PDXDC1: variants seen among roughly 807,000 people sequenced by gnomAD.
PDXDC1 encodes the protein pyridoxal dependent decarboxylase domain containing 1.
In PDXDC1, 42 loss-of-function variants were observed where a neutral mutation model predicts 100.1. The ratio of observed to expected loss-of-function variants is 0.42; its 90% CI spans 0.33 to 0.54. PDXDC1 has a LOEUF of 0.54. Ranked by LOEUF, PDXDC1 falls within the 20% of genes least tolerant of loss-of-function variation. The pLI is 0.10. For missense variants in PDXDC1, 636 were observed against 979.2 expected, an observed-to-expected ratio of 0.65 and a Z score of 4.68; for synonymous variants, 260 against 371.7, an observed-to-expected ratio of 0.70 and a Z score of 3.46.
At chr16:15,083,913 T>C (rs1416173282) in intron 16 of PDXDC1, among the ~76,000 whole-genome samples, 2 of 152,098 alleles carry the variant, frequency 1.3e-5, no homozygotes, top group African/African-American at 4.8e-5. Context: ...ACGGGGTTTC[T>C]CCATGTTGGT....
chr16:15,006,617 T>C lies in PDXDC1; in HGVS notation c.579+34T>C, dbSNP rs1455311667. On this transcript the variant is annotated intron_variant, in intron 6 of 22. Transcript: ENST00000396410. ...GTATCAGGTGGCTATTTTAAAGAAA[T>C]AATGTCTTATTTTGTTCTGAAAGTT... The C allele has an allele frequency of 7.3e-6, 11 of 1,500,112 alleles. No individual in the cohort carries two copies. The East Asian group carries it at 9.4e-5, about 13-fold the overall frequency. The allele number at this position is 1,500,112 out of a possible 1,614,324, so 92.9% of individuals were successfully genotyped here.
chr16:15,122,688 G>T (rs1567284958), intron 16 of PDXDC1, among the ~76,000 whole-genome samples: 1 of 150,556 alleles, frequency 6.6e-6, no homozygotes, highest in South Asian at 2.1e-4. Flanking sequence ...CAAAAGAGAA[G>T]CCAAAAGAGC....
chr16:14,988,874 C>A (rs539037106), intron 1 of PDXDC1: 2 of 1,613,962 alleles, frequency 1.2e-6, no homozygotes, highest in African/African-American at 1.3e-5. Flanking sequence ...GGGTCAGCCT[C>A]CACAGGTCAG....
chr16:15,104,834 C>T (rs1393114169), intron 16 of PDXDC1: 41 of 1,512,198 alleles, frequency 2.7e-5, no homozygotes, highest in Non-Finnish European at 3.4e-5. Flanking sequence ...ACACAGTCTG[C>T]ACCTTCTGTT....
Position 15,135,943 on chromosome 16 carries a change from G to A in PDXDC1, c.1400-2936G>A, listed in dbSNP as rs922345537. ...GCTGAGGCCGGCTCACGTCCACGCC[G>A]GGCAGGGCCACACGCGCCGGGCACC... is the stretch of plus-strand genomic sequence containing the variant. On this transcript the variant is annotated intron_variant, in intron 16 of 16. Coordinates refer to the PDXDC1 transcript ENST00000535621. 91 of 1,576,882 alleles carry A rather than the reference G, an allele frequency of 5.8e-5. No homozygotes were observed. In the Admixed American group the frequency reaches 7.9e-4, roughly 14 times the overall value.
intron 16 of PDXDC1, among the ~76,000 whole-genome samples, chr16:15,090,486 C>A (rs2046087650): frequency 6.6e-6 from 1 of 152,144 alleles, no homozygotes; most frequent in Non-Finnish European, 1.5e-5. Flanking sequence ...ATAGTCCCAG[C>A]TTTTTAGAAG....
chr16:15,097,754 C>G (rs2046407842), intron 16 of PDXDC1, among the ~76,000 whole-genome samples: 1 of 152,064 alleles, frequency 6.6e-6, no homozygotes, highest in Non-Finnish European at 1.5e-5. Flanking sequence ...CGGATCCCAC[C>G]TTCTACCTGC....
intron 16 of PDXDC1, among the ~76,000 whole-genome samples, chr16:15,095,035 A>T (rs968509954): frequency 4.6e-5 from 7 of 152,028 alleles, no homozygotes; most frequent in African/African-American, 1.7e-4. Context: ...ACGGGGTTGC[A>T]CTGTGTTGGC....
intron 16 of PDXDC1, among the ~76,000 whole-genome samples, chr16:15,097,652 A>T (rs1367544392): frequency 6.6e-6 from 1 of 151,518 alleles, no homozygotes; most frequent in Non-Finnish European, 1.5e-5. Context: ...CAAAAAAAAA[A>T]AAAAGAACAT....
At chr16:15,119,716 A>AT (rs1567280503) in intron 16 of PDXDC1, among the ~76,000 whole-genome samples, 1 of 125,428 alleles carries the variant, frequency 8.0e-6, no homozygotes, top group South Asian at 2.8e-4. Context: ...GTGCCCAGCC[A>AT]TTTTTTTTCT....
intron 1 of PDXDC1, chr16:14,989,665 C>T: frequency 1.3e-6 from 2 of 1,561,784 alleles, no homozygotes; most frequent in Non-Finnish European, 8.6e-7. Flanking sequence ...GGGCCGGCGG[C>T]CACGGGGCCA....
the PDXDC1 span, among the ~76,000 whole-genome samples, chr16:15,146,848 G>A: frequency 6.6e-6 from 1 of 152,000 alleles, no homozygotes; most frequent in East Asian, 1.9e-4. Context: ...CAGTGGCTGA[G>A]CCAGGTCACT....
intron 16 of PDXDC1, among the ~76,000 whole-genome samples, chr16:15,070,429 T>C (rs1275441260): frequency 6.6e-5 from 10 of 151,648 alleles, no homozygotes; most frequent in African/African-American, 2.2e-4. Context: ...GATGGGTGCG[T>C]AGGAAGACAA....
chr16:15,003,383 A>AT (rs1453969202), intron 4 of PDXDC1, among the ~76,000 whole-genome samples: 1 of 152,162 alleles, frequency 6.6e-6, no homozygotes, highest in Non-Finnish European at 1.5e-5. Flanking sequence ...GGCCCGGCTA[A>AT]TTTTTTGTAT....
downstream of PDXDC1, chr16:15,038,757 A>C: frequency 1.2e-6 from 1 of 808,070 alleles, no homozygotes; most frequent in South Asian, 1.5e-5. Context: ...CCAGTAACGC[A>C]AGCTCCAGTG....
chr16:15,043,919 ACTT>A (rs1181959312), intron 16 of PDXDC1, among the ~76,000 whole-genome samples: 1 of 152,102 alleles, frequency 6.6e-6, no homozygotes, highest in Non-Finnish European at 1.5e-5. Flanking sequence ...CTGCACTCCA[ACTT>A]GGGCAACAGA....
At chr16:15,137,013 C>A in intron 16 of PDXDC1, 1 of 1,128,328 alleles carries the variant, frequency 8.9e-7, no homozygotes, top group Non-Finnish European at 1.3e-6. Flanking sequence ...GGTGCCGCTT[C>A]CACCTGCACG....
intron 7 of PDXDC1, chr16:15,009,323 A>T (rs951612370): frequency 2.8e-6 from 1 of 352,456 alleles, no homozygotes; most frequent in Non-Finnish European, 4.8e-6. Flanking sequence ...TTCTTTTGTC[A>T]AGGTAGTTTT....
chr16:15,063,786 T>C (rs374860743), intron 16 of PDXDC1, among the ~76,000 whole-genome samples: 1 of 151,946 alleles, frequency 6.6e-6, no homozygotes, highest in East Asian at 1.9e-4. Flanking sequence ...GCTCTTTCTG[T>C]ATAAGAGTTC....
Sources: allele counts gnomAD v4.1 joint callset (sites outside exome capture counted in the v4.1 genomes callset), GRCh38; gene constraint gnomAD v4.1.1; transcripts MANE v1.5; gene names NCBI Gene and HGNC (gene_info 2026-07-23, HGNC 2026-07-21).